Variants in ARK2N observed in about 807,000 individuals in gnomAD.
ARK2N encodes the protein protein ARK2N.
At chr18:46,213,094 C>T in the ARK2N span, among the ~76,000 whole-genome samples, 6 of 149,702 alleles carry the variant, frequency 4.0e-5, no homozygotes, top group Non-Finnish European at 5.9e-5. Flanking sequence ...CTCCACCTCC[C>T]GGGTTCAAGT....
the ARK2N span, among the ~76,000 whole-genome samples, chr18:46,225,866 A>T: frequency 3.3e-5 from 5 of 152,212 alleles, no homozygotes; most frequent in Non-Finnish European, 7.3e-5. Context: ...GAGTTTTGTT[A>T]TGTATGGTGG....
the ARK2N span, among the ~76,000 whole-genome samples, chr18:46,242,790 T>A: frequency 6.6e-6 from 1 of 152,228 alleles, no homozygotes; most frequent in Non-Finnish European, 1.5e-5. Context: ...TCTAGTTCAT[T>A]CATTTTCCAC....
chr18:46,207,981 C>T, the ARK2N span, among the ~76,000 whole-genome samples: 3 of 152,268 alleles, frequency 2.0e-5, no homozygotes, highest in African/African-American at 7.2e-5. Context: ...TTTCTTGCTT[C>T]GTTCTACTTG....
chr18:46,220,866 TG>T, the ARK2N span, among the ~76,000 whole-genome samples: 16 of 152,242 alleles, frequency 1.1e-4, no homozygotes, highest in Non-Finnish European at 4.4e-5. Flanking sequence ...CTGAGTGCGA[TG>T]GCTCACGCCT....
At chr18:46,178,162 G>A in the ARK2N span, among the ~76,000 whole-genome samples, 4 of 152,256 alleles carry the variant, frequency 2.6e-5, no homozygotes, top group Non-Finnish European at 4.4e-5. Flanking sequence ...AGTGCCTTGA[G>A]TTTTCAAAAG....
chr18:46,193,233 A>G, the ARK2N span, among the ~76,000 whole-genome samples: 2 of 152,146 alleles, frequency 1.3e-5, no homozygotes, highest in East Asian at 1.9e-4. Flanking sequence ...TCCTGACTCT[A>G]CAGTACTACC....
chr18:46,240,650 G>T, the ARK2N span, among the ~76,000 whole-genome samples: 27 of 152,224 alleles, frequency 1.8e-4, no homozygotes, highest in East Asian at 5.2e-3. Context: ...GAGTGACCCT[G>T]TTAATTCCTC....
the ARK2N span, among the ~76,000 whole-genome samples, chr18:46,199,423 TTCCTGCCTCAGTC>T: frequency 6.6e-6 from 1 of 151,834 alleles, no homozygotes; most frequent in Non-Finnish European, 1.5e-5. Flanking sequence ...CAAGCGATTC[TTCCTGCCTCAGTC>T]TCCTGAGTAG....
chr18:46,187,636 C>T, the ARK2N span, among the ~76,000 whole-genome samples: 38 of 152,178 alleles, frequency 2.5e-4, no homozygotes, highest in Non-Finnish European at 4.3e-4. Context: ...GCACTGTGCC[C>T]GGCCAATAAC....
chr18:46,194,781 T>TCC, the ARK2N span, among the ~76,000 whole-genome samples: 1 of 143,604 alleles, frequency 7.0e-6, no homozygotes, highest in Non-Finnish European at 1.5e-5. Flanking sequence ...GATTCTTGTT[T>TCC]TTATTTAAAT....
chr18:46,204,351 C>CTTTCTTT, the ARK2N span, among the ~76,000 whole-genome samples: 6 of 147,940 alleles, frequency 4.1e-5, no homozygotes, highest in African/African-American at 1.6e-4. Context: ...ACCTGTTAGG[C>CTTTCTTT]TTTCTTTTTT....
chr18:46,195,985 CTT>C, the ARK2N span, among the ~76,000 whole-genome samples: 4 of 142,860 alleles, frequency 2.8e-5, no homozygotes, highest in Admixed American at 7.0e-5. Context: ...TTTTCTTTTT[CTT>C]TTTTTTTTTT....
the ARK2N span, among the ~76,000 whole-genome samples, chr18:46,199,947 C>T: frequency 6.6e-6 from 1 of 152,088 alleles, no homozygotes; most frequent in Non-Finnish European, 1.5e-5. Context: ...ATTTCTAGCT[C>T]GTTGTTTCTT....
the ARK2N span, among the ~76,000 whole-genome samples, chr18:46,243,854 A>C: frequency 6.6e-6 from 1 of 152,230 alleles, no homozygotes; most frequent in Non-Finnish European, 1.5e-5. Context: ...CAGTGTGTTT[A>C]CTACGGAGGA....
chr18:46,202,911 A>T, the ARK2N span, among the ~76,000 whole-genome samples: 1 of 151,992 alleles, frequency 6.6e-6, no homozygotes, highest in African/African-American at 2.4e-5. Context: ...TCTAGATATG[A>T]TGGACTTGGA....
the ARK2N span, among the ~76,000 whole-genome samples, chr18:46,188,501 G>A: frequency 2.6e-5 from 4 of 151,826 alleles, no homozygotes; most frequent in Non-Finnish European, 2.9e-5. Context: ...GACATGTGGC[G>A]GCCCAGCTTG....
the ARK2N span, among the ~76,000 whole-genome samples, chr18:46,223,277 CCTT>C: frequency 1.3e-5 from 2 of 152,050 alleles, no homozygotes; most frequent in Non-Finnish European, 2.9e-5. Context: ...AAAGGTATGT[CCTT>C]CTTGAGGGAG....
At chr18:46,175,011 T>G in the ARK2N span, among the ~76,000 whole-genome samples, 1 of 152,278 alleles carries the variant, frequency 6.6e-6, no homozygotes, top group East Asian at 1.9e-4. Flanking sequence ...CTGGGGAGTT[T>G]GTCAACTTTA....
chr18:46,257,081 C>T, the ARK2N span, among the ~76,000 whole-genome samples: 2 of 152,260 alleles, frequency 1.3e-5, no homozygotes, highest in African/African-American at 4.8e-5. Context: ...TTTTTGTTCT[C>T]ATTTGATTTG....
Sources: allele counts gnomAD v4.1 joint callset (sites outside exome capture counted in the v4.1 genomes callset), GRCh38; gene constraint gnomAD v4.1.1; transcripts MANE v1.5; gene names NCBI Gene and HGNC (gene_info 2026-07-23, HGNC 2026-07-21).